The following ROBO2 variants were observed in gnomAD, a reference collection of about 807,000 sequenced individuals.
ROBO2 encodes roundabout homolog 2.
A neutral mutation model predicts 160.8 loss-of-function variants in ROBO2; 53 were observed. The observed-to-expected ratio is 0.33, with a 90% CI of 0.26 to 0.41. The LOEUF is 0.41. Ranked by LOEUF, ROBO2 falls within the 10% of genes least tolerant of loss-of-function variation. The pLI, the probability that ROBO2 is intolerant of heterozygous loss-of-function variation, is 1.00. For synonymous variants in ROBO2, 664 were observed against 611.7 expected, an observed-to-expected ratio of 1.09 and a Z score of -1.26; for missense variants, 1,577 against 1,722.4, an observed-to-expected ratio of 0.92 and a Z score of 1.49.
At chr3:77,502,733 G>T (rs1209364996) in intron 5 of ROBO2, among the ~76,000 whole-genome samples, 2 of 152,282 alleles carry the variant, frequency 1.3e-5, no homozygotes, top group South Asian at 2.1e-4. Context: ...GTAGCATTTA[G>T]ATTAGATATG....
intron 2 of ROBO2, among the ~76,000 whole-genome samples, chr3:77,017,623 C>A (rs76350339): frequency 0.016 from 2,481 of 151,962 alleles, 91 homozygotes; most frequent in African/African-American, 0.057. Context: ...TTAAAAAGGG[C>A]AAAATTAAAA....
intron 2 of ROBO2, among the ~76,000 whole-genome samples, chr3:76,998,173 C>G (rs762045531): frequency 3.3e-5 from 5 of 152,140 alleles, no homozygotes; most frequent in Non-Finnish European, 7.3e-5. Flanking sequence ...AGTTATTATA[C>G]TGGCCTACAT....
At chr3:77,005,230 T>G (rs2061524116) in intron 2 of ROBO2, among the ~76,000 whole-genome samples, 1 of 152,164 alleles carries the variant, frequency 6.6e-6, no homozygotes, top group Non-Finnish European at 1.5e-5. Flanking sequence ...GTGCGCCAGG[T>G]GCTGCATTTT....
intron 2 of ROBO2, among the ~76,000 whole-genome samples, chr3:76,587,035 C>G (rs2086086140): frequency 6.6e-6 from 1 of 152,028 alleles, no homozygotes; most frequent in Admixed American, 6.6e-5. Flanking sequence ...AATTGTTGAG[C>G]CCAGATACAT....
At chr3:76,930,985 C>T (rs188555975) in intron 2 of ROBO2, among the ~76,000 whole-genome samples, 3 of 152,178 alleles carry the variant, frequency 2.0e-5, no homozygotes, top group South Asian at 2.1e-4. Flanking sequence ...GGAAGCATTG[C>T]GTAGCCTTTT....
chr3:76,664,634 GTGGGTTTCTACTGTAACC>G (rs2091954920), intron 2 of ROBO2, among the ~76,000 whole-genome samples: 1 of 152,122 alleles, frequency 6.6e-6, no homozygotes, highest in South Asian at 2.1e-4. Flanking sequence ...AAAAAGCTAT[GTGGGTTTCTACTGTAACC>G]TCCAGTGAAA....
rs1309848387 is a variant in ROBO2, at chr3:75,938,678, G to A, written c.109+1076G>A. ...CTTTTTAAAAGATCCTTCAAAAAGAGCAGTTTTCTTGCCATATGTAATATT... is the reference window on the plus strand; with the variant it reads ...CTTTTTAAAAGATCCTTCAAAAAGAACAGTTTTCTTGCCATATGTAATATT... On this transcript the variant is annotated intron_variant, in intron 2 of 26. Coordinates refer to the ROBO2 transcript ENST00000487694. Among the ~76,000 whole-genome samples the A allele has an allele frequency of 2.6e-5, 4 of 152,040 alleles. No homozygotes were observed. In the South Asian group the frequency reaches 8.3e-4, roughly 32 times the overall value.
intron 2 of ROBO2, among the ~76,000 whole-genome samples, chr3:77,370,777 GA>G (rs1357021212): frequency 1.3e-5 from 2 of 152,078 alleles, no homozygotes; most frequent in Admixed American, 1.3e-4. Context: ...AGTTTTATCA[GA>G]ACACAGCCAC....
At chr3:77,569,173 CAAATT>C (rs2093573801) in intron 13 of ROBO2, among the ~76,000 whole-genome samples, 1 of 151,990 alleles carries the variant, frequency 6.6e-6, no homozygotes, top group African/African-American at 2.4e-5. Flanking sequence ...TATAAACCTA[CAAATT>C]GTTCAGTAAT....
intron 2 of ROBO2, among the ~76,000 whole-genome samples, chr3:77,104,687 T>G (rs1345798545): frequency 1.3e-5 from 2 of 152,160 alleles, no homozygotes. Context: ...TGATATTTAC[T>G]GGTGCATTGA....
chr3:76,953,922 A>G (rs1274726060), intron 2 of ROBO2, among the ~76,000 whole-genome samples: 2 of 152,174 alleles, frequency 1.3e-5, no homozygotes, highest in East Asian at 3.8e-4. Context: ...TCTCTACTCA[A>G]AAGTACTTTG....
intron 2 of ROBO2, among the ~76,000 whole-genome samples, chr3:77,391,402 C>T (rs1411020649): frequency 6.6e-6 from 1 of 151,894 alleles, no homozygotes; most frequent in African/African-American, 2.4e-5. Context: ...AACCTCCCCA[C>T]CTCAAGCTGT....
At chr3:76,104,386 A>C (rs1312386080) in intron 2 of ROBO2, among the ~76,000 whole-genome samples, 1 of 152,194 alleles carries the variant, frequency 6.6e-6, no homozygotes, top group Non-Finnish European at 1.5e-5. Context: ...TTTTAAAACT[A>C]TAAAGGAAAG....
At chr3:77,360,374 T>C (rs910591973) in intron 2 of ROBO2, among the ~76,000 whole-genome samples, 9 of 152,026 alleles carry the variant, frequency 5.9e-5, no homozygotes, top group African/African-American at 2.2e-4. Context: ...AATTTTGAAT[T>C]TTTGTTTGAG....
rs535241151 is a variant in ROBO2 at position 77,133,753 on chromosome 3, C to G, written c.388+35413C>G. Among the ~76,000 whole-genome samples the G allele has an allele frequency of 2.6e-5, 4 of 151,868 alleles. No individual in the cohort carries two copies. In the East Asian group the frequency reaches 5.8e-4, roughly 22 times the overall value. ...CATAGGGATAATTTCTAAAATACAA[C>G]TATAAGTATTTACAAAATATAGTAA... is the stretch of plus-strand genomic sequence containing the variant. On this transcript the variant is annotated intron_variant, in intron 2 of 25. Transcript: ENST00000461745.
intron 2 of ROBO2, among the ~76,000 whole-genome samples, chr3:77,265,497 A>G (rs754856846): frequency 3.9e-5 from 6 of 152,172 alleles, no homozygotes; most frequent in Non-Finnish European, 7.4e-5. Context: ...ATGAAAAAAT[A>G]CACTTGCAGA....
intron 2 of ROBO2, among the ~76,000 whole-genome samples, chr3:76,718,872 C>T (rs537852327): frequency 3.9e-5 from 6 of 152,258 alleles, no homozygotes; most frequent in Admixed American, 2.6e-4. Flanking sequence ...TTATTGAAAA[C>T]ATTTTATTGG....
chr3:76,527,909 C>A (rs1367372756), intron 2 of ROBO2, among the ~76,000 whole-genome samples: 1 of 152,036 alleles, frequency 6.6e-6, no homozygotes, highest in East Asian at 1.9e-4. Flanking sequence ...AATGGCAAGT[C>A]TTCTAGTGCT....
At chr3:76,324,484 C>T (rs183954448) in intron 2 of ROBO2, among the ~76,000 whole-genome samples, 104 of 152,274 alleles carry the variant, frequency 6.8e-4, no homozygotes, top group Middle Eastern at 3.4e-3. Flanking sequence ...GAATGCAGGA[C>T]GGAGATTTTT....
Sources: allele counts gnomAD v4.1 joint callset (sites outside exome capture counted in the v4.1 genomes callset), GRCh38; gene constraint gnomAD v4.1.1; transcripts MANE v1.5; gene names NCBI Gene and HGNC (gene_info 2026-07-23, HGNC 2026-07-21).